The following ACSM4 variants were observed in gnomAD, a reference collection of about 807,000 sequenced individuals.
ACSM4 encodes acyl-coenzyme A synthetase ACSM4, mitochondrial.
Under a neutral mutation model 73.0 loss-of-function variants are expected in ACSM4, and 66 were observed. The ratio of observed to expected loss-of-function variants is 0.90; its 90% confidence interval spans 0.74 to 1.11. ACSM4 has a LOEUF of 1.11. ACSM4 is among the 50% of genes least tolerant of loss of function. ACSM4 has a pLI of 0.00. For missense variants in ACSM4, 645 were observed against 714.4 expected (o/e 0.90, Z 1.11); for synonymous variants, 222 against 254.0 (o/e 0.87, Z 1.20).
intron 2 of ACSM4, 121 bp downstream of exon 2, chr12:7,306,864 A>G (rs1946365524): frequency 6.7e-6 from 6 of 891,598 alleles, no homozygotes; most frequent in Admixed American, 2.9e-5. Flanking sequence ...AAAAAAAAAA[A>G]GAAGAGTTAA....
chr12:7,319,896 AT>A (rs1335776998), intron 5 of ACSM4, among the ~76,000 whole-genome samples: 3 of 152,252 alleles, frequency 2.0e-5, no homozygotes, highest in Non-Finnish European at 4.4e-5. Flanking sequence ...TTTAAGTGCT[AT>A]AAAAACCTTT....
At position 7,318,164 on chromosome 12, in the gene ACSM4, CACTG is replaced by C; in HGVS notation, c.906_909del (p.Asp303ProfsTer3). On this transcript the variant is annotated frameshift_variant, in exon 5 of 13. Coordinates refer to ENST00000399422, the MANE Select transcript of ACSM4 (RefSeq NM_001080454.2). LOFTEE classifies it high-confidence loss of function. ...TTGTGCATCGAATGGCACAGTTTGA[CACTG>C]ACACCTTCCTAGACGTAAGTCATGT... 3 of 1,613,456 alleles carry C rather than the reference CACTG, an allele frequency of 1.9e-6. No individual in the cohort carries two copies. The highest frequency in any genetic ancestry group is 2.5e-6 in the Non-Finnish European group (3 of 1,179,806).
At chr12:7,327,669 AG>A (rs1319791294) in intron 12 of ACSM4, among the ~76,000 whole-genome samples, 2 of 152,188 alleles carry the variant, frequency 1.3e-5, no homozygotes. Context: ...ATTTCTGTTT[AG>A]CACTGTTTCA....
chr12:7,320,905 C>G (rs1946458266), intron 6 of ACSM4, 101 bp downstream of exon 6: 1 of 988,864 alleles, frequency 1.0e-6, no homozygotes, highest in African/African-American at 1.6e-5. Flanking sequence ...CTTTCTCAGT[C>G]TTACCACCAC....
At chr12:7,312,531 A>T (rs1286878364) in intron 3 of ACSM4, among the ~76,000 whole-genome samples, 1 of 152,222 alleles carries the variant, frequency 6.6e-6, no homozygotes, top group African/African-American at 2.4e-5. Context: ...TACTTGTGAG[A>T]ATGAAATTTT....
At chr12:7,326,540 C>G (rs1472237504) in intron 11 of ACSM4, among the ~76,000 whole-genome samples, 2 of 152,116 alleles carry the variant, frequency 1.3e-5, no homozygotes, top group Non-Finnish European at 2.9e-5. Flanking sequence ...CCAGGATACA[C>G]AGTCCTTCCT....
intron 3 of ACSM4, among the ~76,000 whole-genome samples, chr12:7,311,934 G>A (rs937739721): frequency 1.3e-5 from 2 of 152,170 alleles, no homozygotes; most frequent in African/African-American, 2.4e-5. Flanking sequence ...AAAGTGATCC[G>A]CCAACCTCAG....
rs1448858507 is a variant in ACSM4, at chr12:7,327,066, T to C, written c.1627T>C (p.Ser543Pro). The change falls in exon 12 of 13, where the codon TCA becomes CCA. Residue 543 changes from serine to proline, a missense_variant. Ser to Pro is a moderately conservative substitution (Grantham distance 74, BLOSUM62 -1). Coordinates refer to ENST00000399422, the MANE Select transcript of ACSM4 (RefSeq NM_001080454.2). ...TGAACTTCAGGATCATGTGAAAAAA[T>C]CAACTGCACCTTACAAATATCCAAG... ...TLELQDHVKK[S>P]TAPYKYPRKV... 3.7e-6 allele frequency: 6 copies of C among 1,609,884 alleles called. No individual in the cohort carries two copies. The highest frequency in any genetic ancestry group is 1.3e-5 in the African/African-American group (1 of 74,834).
In ACSM4 at chr12:7,312,447, T is replaced by TA. The variant is rs1005318051; in HGVS notation, c.620+1711dup. 1.5e-3 allele frequency among the ~76,000 whole-genome samples: 229 copies of TA among 150,694 alleles called. 1 individual carries two copies. Among genetic ancestry groups the TA allele is most frequent in the African/African-American group, 5.3e-3 (219 of 41,194 alleles). On this transcript the variant is annotated intron_variant, in intron 3 of 12. Transcript: ENST00000399422. Reference sequence around the variant, plus strand: ...AAAGAGGTGTTGAATAGCTTATGTTTAAAAAAAAAATTCTTCCAGAGAAGT... The same window carrying TA: ...AAAGAGGTGTTGAATAGCTTATGTTTAAAAAAAAAAATTCTTCCAGAGAAGT...
intron 3 of ACSM4, among the ~76,000 whole-genome samples, chr12:7,316,234 G>A (rs973397908): frequency 6.6e-6 from 1 of 152,076 alleles, no homozygotes; most frequent in Non-Finnish European, 1.5e-5. Flanking sequence ...CATCAGTTCA[G>A]TGAATTCATT....
intron 12 of ACSM4, among the ~76,000 whole-genome samples, chr12:7,327,307 A>G (rs1335702104): frequency 6.6e-6 from 1 of 152,226 alleles, no homozygotes; most frequent in Non-Finnish European, 1.5e-5. Flanking sequence ...CAACTCTGCA[A>G]TACTGAATCA....
At chr12:7,314,819 T>C (rs780634148) in intron 3 of ACSM4, among the ~76,000 whole-genome samples, 2 of 152,176 alleles carry the variant, frequency 1.3e-5, no homozygotes, top group African/African-American at 2.4e-5. Flanking sequence ...TATAGTTGAA[T>C]GAATGATCTT....
intron 3 of ACSM4, among the ~76,000 whole-genome samples, chr12:7,315,449 A>G (rs1386661049): frequency 2.6e-5 from 4 of 151,614 alleles, no homozygotes; most frequent in African/African-American, 4.8e-5. Context: ...CATCTGTACT[A>G]AAAATATAAA....
intron 3 of ACSM4, among the ~76,000 whole-genome samples, chr12:7,313,523 C>T (rs1946402266): frequency 6.6e-6 from 1 of 152,180 alleles, no homozygotes; most frequent in South Asian, 2.1e-4. Flanking sequence ...TTCTTGCCCT[C>T]CTTCTGCCTC....
At chr12:7,325,785 T>C (rs895394506) in intron 11 of ACSM4, among the ~76,000 whole-genome samples, 1 of 152,214 alleles carries the variant, frequency 6.6e-6, no homozygotes, top group Non-Finnish European at 1.5e-5. Context: ...ATTTTCATAA[T>C]TGCTTTTCCT....
chr12:7,315,129 G>A (rs1298563966), intron 3 of ACSM4, among the ~76,000 whole-genome samples: 2 of 151,196 alleles, frequency 1.3e-5, no homozygotes, highest in African/African-American at 4.9e-5. Context: ...CTGGGAGGTG[G>A]AGGTTGCAGT....
chr12:7,318,971 G>A (rs1413115904), intron 5 of ACSM4, among the ~76,000 whole-genome samples: 15 of 152,206 alleles, frequency 9.9e-5, no homozygotes, highest in Admixed American at 7.9e-4. Flanking sequence ...TAGGGGGAGC[G>A]GGGAGATAAT....
At chr12:7,326,116 G>C (rs1009326911) in intron 11 of ACSM4, among the ~76,000 whole-genome samples, 1 of 152,184 alleles carries the variant, frequency 6.6e-6, no homozygotes, top group Non-Finnish European at 1.5e-5. Flanking sequence ...TGGTGGGTTT[G>C]AAACAGCATT....
rs146259196 is a variant in ACSM4 at position 7,317,133 on chromosome 12, G to C, written c.621-4G>C. The C allele has an allele frequency of 6.2e-7, 1 of 1,607,394 alleles. No homozygotes were observed. Among genetic ancestry groups the C allele is most frequent in the East Asian group, 2.2e-5 (1 of 44,494 alleles). ...ACCGCCATCTTGGGGTCCATATTTT[G>C]CAGATTCGCCTCTGAAGAGCACAGC... On this transcript the variant is annotated splice_region_variant and splice_polypyrimidine_tract_variant and intron_variant, in intron 3 of 12. Transcript: ENST00000399422.
Sources: gnomAD v4.1 joint callset for allele counts (sites outside exome capture counted in the v4.1 genomes callset) on GRCh38, gnomAD v4.1.1 for gene constraint, MANE v1.5 for transcripts, NCBI Gene and HGNC (gene_info 2026-07-23, HGNC 2026-07-21) for gene names.